The following PTPRT variants were observed in gnomAD, a reference collection of about 807,000 sequenced individuals.
The protein encoded by PTPRT is receptor-type tyrosine-protein phosphatase T.
In PTPRT, 56 loss-of-function variants were observed where a neutral mutation model predicts 176.8. The observed-to-expected ratio is 0.32, with a 90% CI of 0.26 to 0.40. The LOEUF is 0.40. Among genes scored for constraint, PTPRT ranks in the 10% least tolerant of loss-of-function variants. The pLI is 1.00. For synonymous variants in PTPRT, 783 were observed against 739.0 expected, an observed-to-expected ratio of 1.06 and a Z score of -0.96; for missense variants, 1,540 against 1,908.2, an observed-to-expected ratio of 0.81 and a Z score of 3.60.
chr20:42,529,470 G>A (rs1055124601), intron 7 of PTPRT, among the ~76,000 whole-genome samples: 10 of 152,096 alleles, frequency 6.6e-5, no homozygotes, highest in Admixed American at 5.2e-4. Context: ...CTCTCTAGGC[G>A]CCTTGCACAA....
At chr20:43,056,313 C>A (rs542918585) in intron 1 of PTPRT, among the ~76,000 whole-genome samples, 1 of 152,198 alleles carries the variant, frequency 6.6e-6, no homozygotes, top group Non-Finnish European at 1.5e-5. Context: ...CATCCCACTA[C>A]CTTGCAGCTG....
intron 1 of PTPRT, among the ~76,000 whole-genome samples, chr20:42,956,883 T>C (rs1320891902): frequency 2.0e-5 from 3 of 152,156 alleles, no homozygotes; most frequent in Non-Finnish European, 4.4e-5. Flanking sequence ...TACCGTTTCT[T>C]TGAATCCAAA....
intron 6 of PTPRT, among the ~76,000 whole-genome samples, chr20:42,691,602 G>A (rs554914150): frequency 1.2e-4 from 19 of 152,266 alleles, no homozygotes; most frequent in African/African-American, 3.6e-4. Context: ...TTATGCAAAG[G>A]AACTGAAAAA....
At chr20:42,058,741 G>A in the PTPRT span, among the ~76,000 whole-genome samples, 2 of 152,184 alleles carry the variant, frequency 1.3e-5, no homozygotes, top group East Asian at 3.9e-4. Context: ...GCTGGGCCCT[G>A]ATAGAGCCCA....
intron 1 of PTPRT, among the ~76,000 whole-genome samples, chr20:43,173,026 C>A (rs2146464201): frequency 6.6e-6 from 1 of 152,230 alleles, no homozygotes; most frequent in Non-Finnish European, 1.5e-5. Flanking sequence ...GCATGCGCCA[C>A]CAGACACGGC....
chr20:43,111,610 T>C (rs946733715), intron 1 of PTPRT, among the ~76,000 whole-genome samples: 9 of 150,356 alleles, frequency 6.0e-5, no homozygotes, highest in Middle Eastern at 3.4e-3. Context: ...ACTTTAGATC[T>C]TCTCTAAGGC....
chr20:42,918,572 C>T (rs575401870), intron 1 of PTPRT, among the ~76,000 whole-genome samples: 9 of 152,274 alleles, frequency 5.9e-5, no homozygotes, highest in African/African-American at 9.6e-5. Flanking sequence ...TCCTCACCCA[C>T]GCTGATCCTG....
intron 1 of PTPRT, among the ~76,000 whole-genome samples, chr20:43,185,094 C>G (rs192451420): frequency 6.6e-6 from 1 of 152,288 alleles, no homozygotes; most frequent in Non-Finnish European, 1.5e-5. Flanking sequence ...TAATCTGAAT[C>G]CATTCTGTAA....
At chr20:42,105,313 G>A (rs1986338209) in intron 24 of PTPRT, among the ~76,000 whole-genome samples, 1 of 152,178 alleles carries the variant, frequency 6.6e-6, no homozygotes, top group Non-Finnish European at 1.5e-5. Flanking sequence ...CAGCCACTGT[G>A]TCTTGGGATT....
chr20:42,779,433 T>G (rs2145494597), intron 4 of PTPRT, among the ~76,000 whole-genome samples: 1 of 152,194 alleles, frequency 6.6e-6, no homozygotes, highest in South Asian at 2.1e-4. Context: ...ACTAACAAAC[T>G]CATGGGGCTG....
chr20:42,634,032 T>TAA (rs1555890282), intron 7 of PTPRT, among the ~76,000 whole-genome samples: 1 of 27,496 alleles, frequency 3.6e-5, no homozygotes, highest in African/African-American at 1.8e-4. Context: ...AATATATATA[T>TAA]TATATATATT....
At position 42,482,633 on chromosome 20, in the gene PTPRT, G is replaced by C. The variant is rs1013313507; in HGVS notation, c.1154-10071C>G. Among the ~76,000 whole-genome samples the C allele has an allele frequency of 2.0e-5, 3 of 152,182 alleles. No homozygotes were observed. The South Asian group carries it at 6.2e-4, about 31-fold the overall frequency. On this transcript the variant is annotated intron_variant, in intron 7 of 30. Coordinates refer to ENST00000373187, the MANE Select transcript of PTPRT (RefSeq NM_007050.6). ...AGAAAAGTATGTAACACATCAGATAGTAGTAAGTGCTGTGGAGAAAAATCA... is the reference window on the plus strand; with the variant it reads ...AGAAAAGTATGTAACACATCAGATACTAGTAAGTGCTGTGGAGAAAAATCA...
chr20:42,284,855 A>C (rs1165812162), intron 12 of PTPRT, among the ~76,000 whole-genome samples: 1 of 151,972 alleles, frequency 6.6e-6, no homozygotes, highest in Non-Finnish European at 1.5e-5. Context: ...AAAAATGACA[A>C]GTCATGGTTC....
intron 2 of PTPRT, among the ~76,000 whole-genome samples, chr20:42,847,897 T>A (rs2078402648): frequency 6.6e-6 from 1 of 152,214 alleles, no homozygotes; most frequent in South Asian, 2.1e-4. Flanking sequence ...GACTAAGTTA[T>A]ATAGTGGTGA....
chr20:42,106,705 A>G (rs1986476584), intron 24 of PTPRT, 81 bp downstream of exon 24: 3 of 1,538,424 alleles, frequency 2.0e-6, no homozygotes, highest in South Asian at 1.3e-5. Flanking sequence ...GCCCCTACCT[A>G]TGTGTCTCTC....
At chr20:43,163,059 A>G (rs2014742714) in intron 1 of PTPRT, among the ~76,000 whole-genome samples, 1 of 152,246 alleles carries the variant, frequency 6.6e-6, no homozygotes, top group Non-Finnish European at 1.5e-5. Flanking sequence ...ATGGTGAACC[A>G]GAAGAACTGG....
At chr20:43,186,999 T>C (rs1172979451) in intron 1 of PTPRT, among the ~76,000 whole-genome samples, 2 of 152,208 alleles carry the variant, frequency 1.3e-5, no homozygotes, top group African/African-American at 2.4e-5. Context: ...TTTGCCACAT[T>C]GTTAAGAGGC....
intron 7 of PTPRT, among the ~76,000 whole-genome samples, chr20:42,646,882 CTTTTTTTTTTTTTTTTTTTT>C (rs1161994908): frequency 1.3e-5 from 1 of 76,224 alleles, no homozygotes; most frequent in Non-Finnish European, 2.3e-5. Context: ...CTAAGACAGC[CTTTTTTTTTTTTTTTTTTTT>C]TTTTTTTTTT....
chr20:42,497,947 C>T (rs1476300470), intron 7 of PTPRT, among the ~76,000 whole-genome samples: 1 of 151,600 alleles, frequency 6.6e-6, no homozygotes, highest in African/African-American at 2.4e-5. Context: ...AAAACTGCAG[C>T]TGTAGACCTC....
Sources: gnomAD v4.1 joint callset for allele counts (sites outside exome capture counted in the v4.1 genomes callset) on GRCh38, gnomAD v4.1.1 for gene constraint, MANE v1.5 for transcripts, NCBI Gene and HGNC (gene_info 2026-07-23, HGNC 2026-07-21) for gene names.